ATXN7L1: variants seen among roughly 807,000 people sequenced by gnomAD.
ATXN7L1 encodes ataxin 7 like 1.
In ATXN7L1, 15 loss-of-function variants were observed where a neutral mutation model predicts 70.8. The observed-to-expected ratio is 0.21, with a 90% CI of 0.14 to 0.33. ATXN7L1 has a LOEUF of 0.33. Among genes scored for constraint, ATXN7L1 ranks in the 10% least tolerant of loss-of-function variants. ATXN7L1 has a pLI of 1.00. For synonymous variants in ATXN7L1, 440 were observed against 445.1 expected, an observed-to-expected ratio of 0.99 and a Z score of 0.14; for missense variants, 975 against 1,097.1, an observed-to-expected ratio of 0.89 and a Z score of 1.57.
intron 4 of ATXN7L1, among the ~76,000 whole-genome samples, chr7:105,664,563 A>ATGTGTGTGTGTGTG (rs201514886): frequency 1.4e-4 from 19 of 134,708 alleles, no homozygotes; most frequent in African/African-American, 4.5e-4. Context: ...TATATATATT[A>ATGTGTGTGTGTGTG]TGTATGTGTG....
At chr7:105,867,198 C>A (rs1427419784) in intron 2 of ATXN7L1, among the ~76,000 whole-genome samples, 1 of 152,192 alleles carries the variant, frequency 6.6e-6, no homozygotes, top group Non-Finnish European at 1.5e-5. Flanking sequence ...CCCTCCCCTG[C>A]CCTTTGTACC....
chr7:105,614,809 G>A lies in ATXN7L1; in HGVS notation c.1525C>T (p.Pro509Ser). 1 of 1,549,490 alleles carries A rather than the reference G, an allele frequency of 6.5e-7. No homozygotes were observed. Among genetic ancestry groups the A allele is most frequent in the Non-Finnish European group, 8.7e-7 (1 of 1,145,680 alleles). Reference sequence around the variant, plus strand: ...GGCAGGGGGCTATCTGCCGCAGGAGGGATCTTCCTAAACATGAGAGAAGAG... The same window carrying A: ...GGCAGGGGGCTATCTGCCGCAGGAGAGATCTTCCTAAACATGAGAGAAGAG... ...HLNSQMWKKI[P>S]PAADSPLPSP... The change falls in exon 10 of 12, where the codon CCT becomes TCT. Residue 509 changes from proline (P) to serine (S), a missense_variant. Physicochemically the swap from Pro to Ser is moderately conservative, Grantham distance 74. This residue lies in a region of ATXN7L1 where 635 missense variants were observed against 699.4 expected (regional missense o/e 0.91). Coordinates refer to ENST00000419735, the MANE Select transcript of ATXN7L1 (RefSeq NM_020725.2). This position sits in a 1 kb window ranked among gnomAD's most constrained non-coding sequence, Gnocchi z 4.3.
At chr7:105,775,230 C>T (rs1039336883) in intron 3 of ATXN7L1, among the ~76,000 whole-genome samples, 11 of 152,176 alleles carry the variant, frequency 7.2e-5, no homozygotes, top group East Asian at 1.9e-4. Flanking sequence ...AAACAATCAA[C>T]GGTATTCCCC....
chr7:105,847,726 C>T (rs985578000), intron 2 of ATXN7L1, among the ~76,000 whole-genome samples: 9 of 152,176 alleles, frequency 5.9e-5, no homozygotes, highest in Non-Finnish European at 1.2e-4. Context: ...CCAGTTTACT[C>T]GGCTCTTTGC....
intron 2 of ATXN7L1, among the ~76,000 whole-genome samples, chr7:105,800,168 T>C (rs777671470): frequency 1.3e-4 from 20 of 152,194 alleles, no homozygotes; most frequent in Non-Finnish European, 2.6e-4. Flanking sequence ...AATCACAATG[T>C]CCTTAATCAC....
chr7:105,814,708 T>C (rs1429948648), intron 2 of ATXN7L1, among the ~76,000 whole-genome samples: 1 of 151,836 alleles, frequency 6.6e-6, no homozygotes, highest in African/African-American at 2.4e-5. Flanking sequence ...GGAAGAAGAG[T>C]CAGAAAGGGG....
In ATXN7L1 at chr7:105,619,530, ATTTTTTTTTTTTTT is replaced by A. The variant is rs10593739; in HGVS notation, c.1517+656_1517+669del. ...TATATATATATATATATATATATAT[ATTTTTTTTTTTTTT>A]TTTTTTTTTTTTTTTTTTTTTTTAA... On this transcript the variant is annotated intron_variant, in intron 9 of 11. Transcript: ENST00000419735. Among the ~76,000 whole-genome samples, 125 of 14,970 alleles carry A rather than the reference ATTTTTTTTTTTTTT, an allele frequency of 8.4e-3. 2 individuals are homozygous for A. Among genetic ancestry groups the A allele is most frequent in the Admixed American group, 0.017 (15 of 872 alleles). 9.8% of individuals were successfully genotyped at this position (14,970 alleles called of 152,430 possible).
At chr7:105,777,360 C>A (rs1802877163) in intron 3 of ATXN7L1, among the ~76,000 whole-genome samples, 1 of 152,206 alleles carries the variant, frequency 6.6e-6, no homozygotes, top group Non-Finnish European at 1.5e-5. Flanking sequence ...CACCTATTGT[C>A]AATTGGCTAT....
intron 2 of ATXN7L1, among the ~76,000 whole-genome samples, chr7:105,869,817 T>C (rs996203501): frequency 2.0e-5 from 3 of 152,070 alleles, no homozygotes; most frequent in Non-Finnish European, 2.9e-5. Context: ...TTTTTCTCAG[T>C]GATAAAATAA....
At chr7:105,618,041 A>C in intron 9 of ATXN7L1, 1 of 456,746 alleles carries the variant, frequency 2.2e-6, no homozygotes, top group Non-Finnish European at 4.4e-6. Context: ...CAGATTGGTT[A>C]GGCAAGTCCT....
intron 3 of ATXN7L1, among the ~76,000 whole-genome samples, chr7:105,726,163 A>G (rs982822161): frequency 1.3e-5 from 2 of 152,116 alleles, no homozygotes; most frequent in Non-Finnish European, 1.5e-5. Flanking sequence ...TGGCCTCCCA[A>G]AGTGCTAGGA....
intron 2 of ATXN7L1, among the ~76,000 whole-genome samples, chr7:105,851,221 G>A (rs981054541): frequency 6.6e-6 from 1 of 152,114 alleles, no homozygotes; most frequent in African/African-American, 2.4e-5. Context: ...TGGTCCTGTT[G>A]TCCAAATGAG....
chr7:105,802,630 G>A (rs1017325904), intron 2 of ATXN7L1, among the ~76,000 whole-genome samples: 4 of 152,178 alleles, frequency 2.6e-5, no homozygotes, highest in Non-Finnish European at 4.4e-5. Flanking sequence ...GCCTGAGGAA[G>A]TTTTTTCATA....
chr7:105,726,755 C>G lies in ATXN7L1; in HGVS notation c.356-61467G>C, dbSNP rs180797277. Among the ~76,000 whole-genome samples, 618 of 152,248 alleles carry G rather than the reference C, an allele frequency of 4.1e-3. 7 individuals are homozygous for G. Among genetic ancestry groups the G allele is most frequent in the African/African-American group, 0.014 (588 of 41,558 alleles). On this transcript the variant is annotated intron_variant, in intron 3 of 11. Transcript: ENST00000419735. The stretch of plus-strand genomic sequence containing the variant: ...ACATGAGAGACCAGGAAGGATTCTG[C>G]CCTGTGCCTGCCATCTTGGTCCTCC...
intron 2 of ATXN7L1, among the ~76,000 whole-genome samples, chr7:105,803,102 C>G (rs1225424280): frequency 1.3e-5 from 2 of 152,246 alleles, no homozygotes. Context: ...ACCCCTGTGT[C>G]AAATCCGTCA....
chr7:105,731,895 C>G (rs1012533812), intron 3 of ATXN7L1, among the ~76,000 whole-genome samples: 1 of 151,540 alleles, frequency 6.6e-6, no homozygotes, highest in Non-Finnish European at 1.5e-5. Context: ...GAGTTTGAGA[C>G]CAGCCTGGCC....
rs553518647 is a variant in ATXN7L1 at position 105,822,938 on chromosome 7, G to A, written c.251-34230C>T. Among the ~76,000 whole-genome samples, 50 of 152,142 alleles carry A rather than the reference G, an allele frequency of 3.3e-4. No homozygotes were observed. The South Asian group carries it at 4.1e-3, about 13-fold the overall frequency. ...TCACTAATGTATTAGACTAGTATGC[G>A]CATGTAATTTATAATTAAATACACA... is the stretch of plus-strand genomic sequence containing the variant. On this transcript the variant is annotated intron_variant, in intron 2 of 11. Coordinates refer to ENST00000419735, the MANE Select transcript of ATXN7L1 (RefSeq NM_020725.2).
chr7:105,655,495 A>G (rs1222385784), intron 4 of ATXN7L1, among the ~76,000 whole-genome samples: 1 of 151,376 alleles, frequency 6.6e-6, no homozygotes, highest in East Asian at 2.0e-4. Flanking sequence ...GGCCAGGGAG[A>G]GGCAACTGCA....
rs143609777 is a variant in ATXN7L1, at chr7:105,862,819, C to T, written c.250+12993G>A. ...GGAGAATGGGTGAAATCCAAAGTCA[C>T]GGGAAGTAAATGTTGCCACATCGCC... On this transcript the variant is annotated intron_variant, in intron 2 of 11. Coordinates refer to ENST00000419735, the MANE Select transcript of ATXN7L1 (RefSeq NM_020725.2). Among the ~76,000 whole-genome samples, 4 of 152,258 alleles carry T rather than the reference C, an allele frequency of 2.6e-5. No individual in the cohort carries two copies. The East Asian group carries it at 7.7e-4, about 29-fold the overall frequency.
Sources: gnomAD v4.1 joint callset for allele counts (sites outside exome capture counted in the v4.1 genomes callset) on GRCh38, gnomAD v4.1.1 for gene constraint, gnomAD v4.1.1 regional missense constraint, Gnocchi (gnomAD v3.1) non-coding constraint, MANE v1.5 for transcripts, NCBI Gene and HGNC (gene_info 2026-07-23, HGNC 2026-07-21) for gene names.